CRADD: variants seen among roughly 807,000 people sequenced by gnomAD.
CRADD encodes the protein CARD and death domain containing adaptor protein.
In CRADD, 9 loss-of-function variants were observed where a neutral mutation model predicts 15.5. The observed-to-expected ratio is 0.58, with a 90% confidence interval of 0.35 to 1.01. The LOEUF (loss-of-function observed/expected upper bound fraction) is 1.01, where lower values mean the gene tolerates loss of function less well. Ranked by LOEUF, CRADD falls within the 50% of genes least tolerant of loss-of-function variation. The pLI, the probability that CRADD is intolerant of heterozygous loss-of-function variation, is 0.02. For missense variants in CRADD, 227 were observed against 250.3 expected (o/e 0.91, Z 0.63); for synonymous variants, 118 against 107.6 (o/e 1.10, Z -0.60).
intron 2 of CRADD, among the ~76,000 whole-genome samples, chr12:93,827,080 A>G (rs1957832286): frequency 6.6e-6 from 1 of 152,202 alleles, no homozygotes; most frequent in South Asian, 2.1e-4. Flanking sequence ...GGTATAATTG[A>G]CATACAGTAA....
At chr12:93,880,277 T>C (rs1399308319) in intron 2 of CRADD, among the ~76,000 whole-genome samples, 11 of 151,292 alleles carry the variant, frequency 7.3e-5, no homozygotes, top group Admixed American at 4.0e-4. Context: ...AACCAACCCC[T>C]TTTTTTTTCT....
chr12:93,775,484 A>G (rs1957131493), intron 2 of CRADD, among the ~76,000 whole-genome samples: 1 of 152,228 alleles, frequency 6.6e-6, no homozygotes, highest in Admixed American at 6.5e-5. Flanking sequence ...GCTGATGGAC[A>G]TGCTTAGGAG....
intron 2 of CRADD, among the ~76,000 whole-genome samples, chr12:93,870,061 A>G (rs947325106): frequency 3.3e-5 from 5 of 152,232 alleles, no homozygotes; most frequent in African/African-American, 4.8e-5. Context: ...CACATTTAAT[A>G]CGTGGAAATA....
intron 2 of CRADD, among the ~76,000 whole-genome samples, chr12:93,680,795 G>A (rs1422916546): frequency 2.6e-5 from 4 of 152,128 alleles, no homozygotes; most frequent in Non-Finnish European, 5.9e-5. Context: ...TGAACTGAAA[G>A]CCTTTCACTA....
chr12:93,737,916 A>G, intron 2 of CRADD: 1 of 219,656 alleles, frequency 4.6e-6, no homozygotes, highest in Non-Finnish European at 8.8e-6. Context: ...GGAACCTGCC[A>G]CATTAGCAAT....
intron 2 of CRADD, among the ~76,000 whole-genome samples, chr12:93,839,977 C>T (rs7968920): frequency 0.6 from 90,714 of 152,128 alleles, 29,450 homozygotes; most frequent in African/African-American, 0.86. Flanking sequence ...GATACTCCTG[C>T]CTTATTTTCC....
chr12:93,787,305 G>GTTTTTTTTTTTTTTTTTTTTTTTTTT (rs34146137), intron 2 of CRADD, among the ~76,000 whole-genome samples: 2 of 124,744 alleles, frequency 1.6e-5, no homozygotes. Flanking sequence ...GTATGACAGG[G>GTTTTTTTTTTTTTTTTTTTTTTTTTT]TTTTTTTTTT....
At chr12:93,717,040 G>A (rs908513398) in intron 2 of CRADD, among the ~76,000 whole-genome samples, 9 of 152,198 alleles carry the variant, frequency 5.9e-5, no homozygotes, top group Non-Finnish European at 1.0e-4. Context: ...CCAGCATTTG[G>A]TGTTGTCAGA....
chr12:93,762,180 G>C (rs1329102325), intron 2 of CRADD, among the ~76,000 whole-genome samples: 3 of 152,200 alleles, frequency 2.0e-5, no homozygotes, highest in Non-Finnish European at 4.4e-5. Context: ...CATCATGATA[G>C]CTTCTAAATA....
At chr12:93,751,456 A>C (rs1199385627) in intron 2 of CRADD, among the ~76,000 whole-genome samples, 3 of 152,240 alleles carry the variant, frequency 2.0e-5, no homozygotes, top group Admixed American at 2.0e-4. Flanking sequence ...GATGACACAT[A>C]AAGACAAAAA....
At chr12:93,784,229 C>G (rs1431705097) in intron 2 of CRADD, among the ~76,000 whole-genome samples, 2 of 152,090 alleles carry the variant, frequency 1.3e-5, no homozygotes, top group Non-Finnish European at 2.9e-5. Context: ...AAATTTTACT[C>G]ACACTCAGGG....
intron 2 of CRADD, among the ~76,000 whole-genome samples, chr12:93,893,715 G>C (rs992415681): frequency 6.6e-6 from 1 of 152,078 alleles, no homozygotes; most frequent in Non-Finnish European, 1.5e-5. Context: ...GGACCAGCCT[G>C]GCCAACATGA....
chr12:93,824,640 T>TA lies in CRADD; in HGVS notation c.299-25329dup. Among the ~76,000 whole-genome samples, 6 of 152,354 alleles carry TA rather than the reference T, an allele frequency of 3.9e-5. 1 individual carries two copies. The highest frequency in any genetic ancestry group is 3.9e-4 in the Admixed American group (6 of 15,304). ...TGCATTAGAATGCATCATTCTATGATACATTATCCGAGCTGAAGCTGAAAC... is the reference window on the plus strand; with the variant it reads ...TGCATTAGAATGCATCATTCTATGATAACATTATCCGAGCTGAAGCTGAAAC... On this transcript the variant is annotated intron_variant, in intron 2 of 2. Transcript: ENST00000332896. This position sits in a 1 kb window ranked among gnomAD's most constrained non-coding sequence, Gnocchi z 4.3.
At chr12:93,712,775 T>C (rs1956096755) in intron 2 of CRADD, among the ~76,000 whole-genome samples, 1 of 152,178 alleles carries the variant, frequency 6.6e-6, no homozygotes, top group African/African-American at 2.4e-5. Context: ...TTATGCTACT[T>C]GTGGGCAGAA....
intron 2 of CRADD, among the ~76,000 whole-genome samples, chr12:93,838,390 C>T (rs1958003638): frequency 6.6e-6 from 1 of 151,678 alleles, no homozygotes; most frequent in Non-Finnish European, 1.5e-5. Context: ...TCCTCCACTC[C>T]ACCACTCTAC....
At chr12:93,872,601 T>C (rs1958430582) in intron 2 of CRADD, among the ~76,000 whole-genome samples, 1 of 152,134 alleles carries the variant, frequency 6.6e-6, no homozygotes, top group Admixed American at 6.5e-5. Flanking sequence ...GAGATAGGGG[T>C]CTAGTTTCAC....
At chr12:93,756,841 G>A (rs866453855) in intron 2 of CRADD, among the ~76,000 whole-genome samples, 32 of 152,208 alleles carry the variant, frequency 2.1e-4, no homozygotes, top group South Asian at 1.9e-3. Flanking sequence ...CAACCTCCTA[G>A]CCTTCATCCA....
At chr12:93,856,697 G>A (rs1042821641) in intron 2 of CRADD, among the ~76,000 whole-genome samples, 20 of 152,326 alleles carry the variant, frequency 1.3e-4, no homozygotes, top group South Asian at 8.3e-4. Flanking sequence ...TAGAAACTAA[G>A]TGGCAAATAT....
intron 2 of CRADD, among the ~76,000 whole-genome samples, chr12:93,700,931 G>A (rs1955831509): frequency 6.6e-6 from 1 of 152,076 alleles, no homozygotes. Flanking sequence ...TCTCTCATGC[G>A]CTTCTGAGCA....
Sources: allele counts gnomAD v4.1 joint callset (sites outside exome capture counted in the v4.1 genomes callset), GRCh38; gene constraint gnomAD v4.1.1; non-coding constraint Gnocchi (gnomAD v3.1); transcripts MANE v1.5; gene names NCBI Gene and HGNC (gene_info 2026-07-23, HGNC 2026-07-21).